The following KIF26B variants were observed in gnomAD, a reference collection of about 807,000 sequenced individuals.
The protein encoded by KIF26B is kinesin-like protein KIF26B.
A neutral mutation model predicts 151.2 loss-of-function variants in KIF26B; 63 were observed. The ratio of observed to expected loss-of-function variants is 0.42; its 90% CI spans 0.34 to 0.51. The LOEUF (loss-of-function observed/expected upper bound fraction) is 0.51. Ranked by LOEUF, KIF26B falls within the 20% of genes least tolerant of loss-of-function variation. The pLI is 0.07. For synonymous variants in KIF26B, 1,357 were observed against 1,262.1 expected (o/e 1.08, Z -1.59); for missense variants, 2,813 against 2,913.6 (o/e 0.97, Z 0.79).
chr1:245,447,687 A>G (rs925865229), intron 4 of KIF26B, among the ~76,000 whole-genome samples: 7 of 152,168 alleles, frequency 4.6e-5, no homozygotes, highest in African/African-American at 1.7e-4. Flanking sequence ...CCAGTGTGCC[A>G]TGTCCGTTTA....
chr1:245,428,394 C>T (rs1463159779), intron 4 of KIF26B, among the ~76,000 whole-genome samples: 1 of 152,156 alleles, frequency 6.6e-6, no homozygotes, highest in African/African-American at 2.4e-5. Flanking sequence ...AAAACAGTCT[C>T]AGGCATTTGC....
At chr1:245,442,648 G>A (rs1010608552) in intron 4 of KIF26B, among the ~76,000 whole-genome samples, 7 of 151,950 alleles carry the variant, frequency 4.6e-5, no homozygotes, top group Admixed American at 3.9e-4. Flanking sequence ...AGAGGTGAGC[G>A]GTCATCTCCC....
rs1385639497 is a variant in KIF26B at position 245,688,134 on chromosome 1, G to GC, written c.5157dup (p.Ser1720GlnfsTer269). On this transcript the variant is annotated frameshift_variant, in exon 12 of 15. Transcript: ENST00000407071. LOFTEE classifies it high-confidence loss of function. Reference sequence around the variant, plus strand: ...GCCTGGGCCGCAGCGCCGGGACCTCGCCCCCCAGCTCCGGGGCCTCGCCCA... The same window carrying GC: ...GCCTGGGCCGCAGCGCCGGGACCTCGCCCCCCCAGCTCCGGGGCCTCGCCCA... The GC allele has an allele frequency of 1.9e-6, 3 of 1,587,324 alleles. No individual in the cohort carries two copies. The highest frequency in any genetic ancestry group is 1.1e-5 in the South Asian group (1 of 88,446).
chr1:245,562,730 G>A (rs996503691), intron 5 of KIF26B, among the ~76,000 whole-genome samples: 1 of 151,988 alleles, frequency 6.6e-6, no homozygotes, highest in African/African-American at 2.4e-5. Flanking sequence ...TTAGAGTCAG[G>A]ATCTCATTGC....
At chr1:245,284,191 A>G (rs192043850) in intron 2 of KIF26B, among the ~76,000 whole-genome samples, 409 of 152,248 alleles carry the variant, frequency 2.7e-3, no homozygotes, top group Non-Finnish European at 4.8e-3. Context: ...CTTTTTATCA[A>G]TGGTATATAG....
At chr1:245,184,050 G>GTTTTGTTTTTTTTTTT (rs1553332273) in intron 2 of KIF26B, among the ~76,000 whole-genome samples, 5 of 19,802 alleles carry the variant, frequency 2.5e-4, no homozygotes, top group Non-Finnish European at 4.0e-4. Flanking sequence ...GGGAGTTGTT[G>GTTTTGTTTTTTTTTTT]TTTTTTTTTT....
chr1:245,223,804 G>A (rs893880324), intron 2 of KIF26B, among the ~76,000 whole-genome samples: 14 of 152,116 alleles, frequency 9.2e-5, no homozygotes, highest in African/African-American at 3.1e-4. Flanking sequence ...TGACATGTAC[G>A]TAGATGGTGC....
In KIF26B at chr1:245,375,995, C is replaced by G. The variant is rs1270452019; in HGVS notation, c.999+8628C>G. 6.6e-6 allele frequency among the ~76,000 whole-genome samples: 1 copy of G among 152,056 alleles called. No homozygotes were observed. Among genetic ancestry groups the G allele is most frequent in the Admixed American group, 6.6e-5 (1 of 15,256 alleles). On this transcript the variant is annotated intron_variant, in intron 3 of 14. Coordinates refer to ENST00000407071, the MANE Select transcript of KIF26B (RefSeq NM_018012.4). This position sits in a 1 kb window ranked among gnomAD's most constrained non-coding sequence, Gnocchi z 4.2. Reference sequence around the variant, plus strand: ...TATAGAATCATAATAAGTAGCACACCACAGCGACTCTCCATTGGTAGCTAG... The same window carrying G: ...TATAGAATCATAATAAGTAGCACACGACAGCGACTCTCCATTGGTAGCTAG...
At position 245,451,585 on chromosome 1, in the gene KIF26B, C is replaced by CTTTTT. The variant is rs58192966; in HGVS notation, c.1166+31864_1166+31868dup. Among the ~76,000 whole-genome samples, 197 of 58,624 alleles carry CTTTTT rather than the reference C, an allele frequency of 3.4e-3. 1 individual carries two copies. Among genetic ancestry groups the CTTTTT allele is most frequent in the Middle Eastern group, 0.018 (1 of 56 alleles). 38.5% of individuals were successfully genotyped at this position (58,624 alleles called of 152,430 possible). ...TATAATATGTATCCAGAAGATCTATCTTTTTTTTTTTTTTTTTTTTTTTTT... is the reference window on the plus strand; with the variant it reads ...TATAATATGTATCCAGAAGATCTATCTTTTTTTTTTTTTTTTTTTTTTTTTTTTTT... On this transcript the variant is annotated intron_variant, in intron 4 of 14. Transcript: ENST00000407071.
intron 2 of KIF26B, among the ~76,000 whole-genome samples, chr1:245,317,727 C>T (rs1484828273): frequency 6.6e-6 from 1 of 152,214 alleles, no homozygotes; most frequent in Admixed American, 6.5e-5. Flanking sequence ...CCTGCACACC[C>T]TGATGCTGGA....
intron 5 of KIF26B, among the ~76,000 whole-genome samples, chr1:245,584,922 ATTCT>A (rs1002779333): frequency 1.2e-4 from 19 of 152,190 alleles, no homozygotes; most frequent in African/African-American, 2.4e-4. Flanking sequence ...CCATAGAAAC[ATTCT>A]TTCTTTAGTT....
At chr1:245,185,264 G>A (rs961277903) in intron 2 of KIF26B, among the ~76,000 whole-genome samples, 1 of 151,692 alleles carries the variant, frequency 6.6e-6, no homozygotes, top group South Asian at 2.1e-4. Flanking sequence ...TCAGCCTCCC[G>A]GGTAGCTGGG....
chr1:245,445,363 T>C (rs1319784403), intron 4 of KIF26B, among the ~76,000 whole-genome samples: 1 of 152,234 alleles, frequency 6.6e-6, no homozygotes, highest in Non-Finnish European at 1.5e-5. Flanking sequence ...AATGGAATCA[T>C]AATTTTTAAA....
chr1:245,500,966 C>A (rs111305587), intron 4 of KIF26B, among the ~76,000 whole-genome samples: 1 of 152,334 alleles, frequency 6.6e-6, no homozygotes, highest in Non-Finnish European at 1.5e-5. Flanking sequence ...GGAATCTTTT[C>A]ATGCAGGCTG....
chr1:245,370,370 ATTACT>A (rs1673084123), intron 3 of KIF26B, among the ~76,000 whole-genome samples: 1 of 150,016 alleles, frequency 6.7e-6, no homozygotes. Context: ...GGTTTTTGTC[ATTACT>A]TTCAATGGCA....
chr1:245,175,948 AGATATCTATATCTAT>A (rs1289085769), intron 2 of KIF26B, among the ~76,000 whole-genome samples: 1 of 122,528 alleles, frequency 8.2e-6, no homozygotes, highest in African/African-American at 3.5e-5. Context: ...CTATATATAT[AGATATCTATATCTAT>A]ATATATAGAC....
At chr1:245,537,350 AGGGAC>A (rs1661510903) in intron 4 of KIF26B, among the ~76,000 whole-genome samples, 1 of 152,176 alleles carries the variant, frequency 6.6e-6, no homozygotes, top group East Asian at 1.9e-4. Context: ...TATGGGGGGA[AGGGAC>A]AGACCACGTA....
At chr1:245,207,542 G>A (rs944566096) in intron 2 of KIF26B, among the ~76,000 whole-genome samples, 48 of 152,148 alleles carry the variant, frequency 3.2e-4, no homozygotes, top group African/African-American at 1.1e-3. Context: ...AACAGCAATG[G>A]CATCTAATAA....
intron 2 of KIF26B, among the ~76,000 whole-genome samples, chr1:245,276,913 A>T (rs1367053581): frequency 6.6e-6 from 1 of 152,134 alleles, no homozygotes; most frequent in Non-Finnish European, 1.5e-5. Flanking sequence ...TAAGGTAAGG[A>T]TCTTGAGATG....
Sources: gnomAD v4.1 joint callset for allele counts (sites outside exome capture counted in the v4.1 genomes callset) on GRCh38, gnomAD v4.1.1 for gene constraint, Gnocchi (gnomAD v3.1) non-coding constraint, MANE v1.5 for transcripts, NCBI Gene and HGNC (gene_info 2026-07-23, HGNC 2026-07-21) for gene names.